TCF12: variants seen among roughly 807,000 people sequenced by gnomAD.
TCF12 encodes the protein DNA-binding protein HTF4.
TCF12 carries 45 observed loss-of-function variants against 86.0 expected under a neutral mutation model. The observed-to-expected ratio is 0.52, with a 90% CI of 0.41 to 0.67. The LOEUF (loss-of-function observed/expected upper bound fraction) is 0.67, where lower values mean the gene tolerates loss of function less well. TCF12 is among the 30% of genes least tolerant of loss of function. TCF12 has a pLI of 0.00. For missense variants in TCF12, 881 were observed against 859.9 expected (o/e 1.02, Z -0.31); for synonymous variants, 330 against 299.6 (o/e 1.10, Z -1.05).
At chr15:57,185,475 AAAG>A (rs1277620686) in intron 6 of TCF12, among the ~76,000 whole-genome samples, 1 of 152,212 alleles carries the variant, frequency 6.6e-6, no homozygotes, top group Non-Finnish European at 1.5e-5. Context: ...GAAACAAGTA[AAAG>A]AAGAACAAAC....
At position 57,165,467 on chromosome 15, in the gene TCF12, G is replaced by A. The variant is rs546915415; in HGVS notation, c.326-935G>A. On this transcript the variant is annotated intron_variant, in intron 5 of 20. Coordinates refer to ENST00000333725, the MANE Select transcript of TCF12 (RefSeq NM_207037.2). ...TATTTAAGAGTATAAAACATACATG[G>A]TAATCATGCACATCATTATTATGAT... Among the ~76,000 whole-genome samples, 35 of 151,992 alleles carry A rather than the reference G, an allele frequency of 2.3e-4. No homozygotes were observed. In the East Asian group the frequency reaches 5.4e-3, roughly 23 times the overall value.
At chr15:56,982,105 A>T (rs771132354) in intron 3 of TCF12, among the ~76,000 whole-genome samples, 3 of 152,210 alleles carry the variant, frequency 2.0e-5, no homozygotes, top group Admixed American at 1.3e-4. Context: ...TAATTTACCA[A>T]TTCATTCATT....
At chr15:57,166,313 G>T in intron 5 of TCF12, 89 bp from the exon 6 acceptor site, 6 of 1,044,564 alleles carry the variant, frequency 5.7e-6, no homozygotes, top group Non-Finnish European at 8.4e-6. Context: ...TTTTAAAACT[G>T]CAATATAATT....
intron 3 of TCF12, among the ~76,000 whole-genome samples, chr15:56,926,183 C>T (rs1336621921): frequency 6.6e-6 from 1 of 152,066 alleles, no homozygotes; most frequent in East Asian, 1.9e-4. Flanking sequence ...TGTTGTGGCT[C>T]ATGCCTGTAG....
At chr15:57,042,466 A>G (rs2066958995) in intron 3 of TCF12, among the ~76,000 whole-genome samples, 1 of 152,192 alleles carries the variant, frequency 6.6e-6, no homozygotes, top group Non-Finnish European at 1.5e-5. Flanking sequence ...CCAGGCTGAA[A>G]TGTGTGCCAC....
At chr15:57,159,352 T>C (rs2054336516) in intron 5 of TCF12, among the ~76,000 whole-genome samples, 1 of 152,220 alleles carries the variant, frequency 6.6e-6, no homozygotes, top group African/African-American at 2.4e-5. Flanking sequence ...TTTGTGTTTC[T>C]CCAGATGGTT....
chr15:56,983,453 A>C (rs1237854462), intron 3 of TCF12, among the ~76,000 whole-genome samples: 1 of 152,182 alleles, frequency 6.6e-6, no homozygotes, highest in Non-Finnish European at 1.5e-5. Flanking sequence ...ATTACTGCAC[A>C]GTTCTTTAGC....
rs56221122 is a variant in TCF12 at position 56,984,249 on chromosome 15, GGTGTGTGTGT to G, written c.148+63187_148+63196del. ...ACAAATTTAGGAAAAGCATGTGCAT[GGTGTGTGTGT>G]GTGTGTGTGTGTGTGTGTGTGTGTG... On this transcript the variant is annotated intron_variant, in intron 3 of 20. Transcript: ENST00000333725. 8.2e-4 allele frequency among the ~76,000 whole-genome samples: 101 copies of G among 123,074 alleles called. 1 individual carries two copies. The highest frequency in any genetic ancestry group is 3.1e-3 in the Admixed American group (37 of 11,892). The allele number at this position is 123,074 out of a possible 152,430, so 80.7% of individuals were successfully genotyped here.
chr15:57,109,807 T>A (rs1361725708), intron 5 of TCF12, among the ~76,000 whole-genome samples: 1 of 152,216 alleles, frequency 6.6e-6, no homozygotes, highest in Non-Finnish European at 1.5e-5. Context: ...CATTTATATA[T>A]TACCATAAAT....
chr15:56,928,941 A>G (rs1223539792), intron 3 of TCF12, among the ~76,000 whole-genome samples: 6 of 152,176 alleles, frequency 3.9e-5, no homozygotes, highest in Non-Finnish European at 7.4e-5. Flanking sequence ...AATGGCAGAG[A>G]AGAAGGAACA....
intron 5 of TCF12, among the ~76,000 whole-genome samples, chr15:57,147,408 A>G (rs1158636388): frequency 6.6e-6 from 1 of 152,202 alleles, no homozygotes; most frequent in Non-Finnish European, 1.5e-5. Context: ...TTAAACAACT[A>G]CTTCTGATCC....
chr15:57,192,387 T>C (rs1249476811), intron 7 of TCF12, 94 bp downstream of exon 7: 1 of 1,460,802 alleles, frequency 6.8e-7, no homozygotes, highest in Non-Finnish European at 9.2e-7. Flanking sequence ...TTTTTTTTTT[T>C]TCTTTCCGTT....
chr15:56,972,398 A>G (rs1214344349), intron 3 of TCF12, among the ~76,000 whole-genome samples: 2 of 152,226 alleles, frequency 1.3e-5, no homozygotes, highest in African/African-American at 2.4e-5. Flanking sequence ...GTACATAGGA[A>G]AGTGATTATA....
At chr15:57,217,093 T>G (rs908231186) in intron 8 of TCF12, among the ~76,000 whole-genome samples, 3 of 152,132 alleles carry the variant, frequency 2.0e-5, no homozygotes, top group African/African-American at 7.2e-5. Flanking sequence ...AGGTCTTACC[T>G]ACACATGTAC....
intron 12 of TCF12, among the ~76,000 whole-genome samples, chr15:57,241,468 T>G (rs1265829326): frequency 6.6e-6 from 1 of 152,192 alleles, no homozygotes; most frequent in African/African-American, 2.4e-5. Context: ...AGCTTTACTT[T>G]TCCAAAATAG....
intron 3 of TCF12, among the ~76,000 whole-genome samples, chr15:56,979,691 GA>G (rs1158701693): frequency 6.6e-6 from 1 of 152,090 alleles, no homozygotes; most frequent in African/African-American, 2.4e-5. Context: ...TTCCTTAGAA[GA>G]AAAAAATTAC....
chr15:56,941,376 T>A (rs1438741368), intron 3 of TCF12, among the ~76,000 whole-genome samples: 4 of 150,484 alleles, frequency 2.7e-5, no homozygotes, highest in African/African-American at 9.8e-5. Flanking sequence ...CAAAAAAATT[T>A]TTTTTTTTTT....
intron 8 of TCF12, among the ~76,000 whole-genome samples, 186 bp from the exon 9 acceptor site, chr15:57,230,966 A>AT (rs2059110831): frequency 6.6e-6 from 1 of 151,286 alleles, no homozygotes; most frequent in African/African-American, 2.4e-5. Context: ...AAAAAAAAAA[A>AT]CATGTGGATG....
chr15:57,114,765 C>G (rs2050727726), intron 5 of TCF12, among the ~76,000 whole-genome samples: 1 of 152,168 alleles, frequency 6.6e-6, no homozygotes, highest in East Asian at 1.9e-4. Flanking sequence ...GAACAACATT[C>G]TTGGTTTCAC....
Sources: allele counts gnomAD v4.1 joint callset (sites outside exome capture counted in the v4.1 genomes callset), GRCh38; gene constraint gnomAD v4.1.1; transcripts MANE v1.5; gene names NCBI Gene and HGNC (gene_info 2026-07-23, HGNC 2026-07-21).